RAI14: variants seen among roughly 807,000 people sequenced by gnomAD.
The protein encoded by RAI14 is retinoic acid induced 14.
Under a neutral mutation model 115.4 loss-of-function variants are expected in RAI14, and 45 were observed. The ratio of observed to expected loss-of-function variants is 0.39; its 90% confidence interval spans 0.31 to 0.50. The LOEUF (loss-of-function observed/expected upper bound fraction) is 0.50. RAI14 is among the 20% of genes least tolerant of loss of function. The pLI, the probability that RAI14 is intolerant of heterozygous loss-of-function variation, is 0.85. For missense variants in RAI14, 939 were observed against 1,131.2 expected, an observed-to-expected ratio of 0.83 and a Z score of 2.44; for synonymous variants, 371 against 415.4, an observed-to-expected ratio of 0.89 and a Z score of 1.30.
intron 2 of RAI14, among the ~76,000 whole-genome samples, chr5:34,740,095 C>T (rs79220089): frequency 0.032 from 4,823 of 152,176 alleles, 265 homozygotes; most frequent in African/African-American, 0.11. Flanking sequence ...CTTGAGCTCT[C>T]AACTTATGTG....
At chr5:34,796,164 G>A (rs137964819) in intron 4 of RAI14, 137 bp downstream of exon 4, 3 of 647,876 alleles carry the variant, frequency 4.6e-6, no homozygotes, top group East Asian at 5.4e-5. Flanking sequence ...CGAGGGTGAG[G>A]TGTGTGGATC....
chr5:34,786,909 C>A (rs534919878), intron 3 of RAI14, among the ~76,000 whole-genome samples: 16 of 152,276 alleles, frequency 1.1e-4, no homozygotes, highest in African/African-American at 3.4e-4. Context: ...TGACAGCAAG[C>A]TAGTCATAAG....
At chr5:34,775,067 A>T (rs935837778) in intron 3 of RAI14, among the ~76,000 whole-genome samples, 2 of 152,206 alleles carry the variant, frequency 1.3e-5, no homozygotes, top group Non-Finnish European at 2.9e-5. Context: ...ATCTCCATAT[A>T]TAGAAGAATG....
At chr5:34,667,828 C>T (rs972965951) in intron 1 of RAI14, among the ~76,000 whole-genome samples, 2 of 152,218 alleles carry the variant, frequency 1.3e-5, no homozygotes, top group South Asian at 2.1e-4. Context: ...CTGTGAGAAC[C>T]GTGTAACAAA....
Position 34,788,136 on chromosome 5 carries a change from C to T in RAI14, c.168-7803C>T, listed in dbSNP as rs142577848. On this transcript the variant is annotated intron_variant, in intron 3 of 17. Transcript: ENST00000265109. ...ATTTGGCCATATTGTTCAGGCTGGT[C>T]TTGAACTCCTGGGCTCAAGCAATCT... Among the ~76,000 whole-genome samples, 281 of 151,952 alleles carry T rather than the reference C, an allele frequency of 1.8e-3. 1 individual carries two copies. The highest frequency in any genetic ancestry group is 6.1e-3 in the African/African-American group (254 of 41,452).
Position 34,676,693 on chromosome 5 carries a change from C to T in RAI14, c.-48-10179C>T, listed in dbSNP as rs576664478. ...CCTGGTTGATGGCAGGTTTTATTCT[C>T]AAAGGAGAATGATATATTTGGTTTC... On this transcript the variant is annotated intron_variant, in intron 1 of 17. Coordinates refer to ENST00000265109, the MANE Select transcript of RAI14 (RefSeq NM_015577.3). 3.9e-5 allele frequency among the ~76,000 whole-genome samples: 6 copies of T among 152,222 alleles called. No individual in the cohort carries two copies. The South Asian group carries it at 1.2e-3, about 32-fold the overall frequency.
At chr5:34,777,200 A>G (rs1045330408) in intron 3 of RAI14, among the ~76,000 whole-genome samples, 20 of 152,192 alleles carry the variant, frequency 1.3e-4, no homozygotes, top group Non-Finnish European at 2.6e-4. Context: ...GGAATTCAGT[A>G]TATCAAAAGG....
At chr5:34,736,230 G>A (rs1373499646) in intron 2 of RAI14, among the ~76,000 whole-genome samples, 4 of 152,154 alleles carry the variant, frequency 2.6e-5, no homozygotes, top group Admixed American at 2.0e-4. Flanking sequence ...GCGAAGCCCC[G>A]TCTCTACTAA....
intron 3 of RAI14, among the ~76,000 whole-genome samples, chr5:34,758,766 G>T (rs1748230425): frequency 6.6e-6 from 1 of 152,136 alleles, no homozygotes. Flanking sequence ...ATTCATTTAG[G>T]CATTGTTCGT....
At chr5:34,707,098 A>T (rs533179458) in intron 2 of RAI14, among the ~76,000 whole-genome samples, 26 of 152,312 alleles carry the variant, frequency 1.7e-4, no homozygotes, top group Non-Finnish European at 2.8e-4. Flanking sequence ...ATATTTACTG[A>T]TCTTGGTTCT....
intron 2 of RAI14, among the ~76,000 whole-genome samples, chr5:34,743,373 A>G (rs1469870646): frequency 6.6e-6 from 1 of 152,100 alleles, no homozygotes; most frequent in East Asian, 1.9e-4. Context: ...CCATCTTTAC[A>G]TCGCCTTCTT....
intron 3 of RAI14, among the ~76,000 whole-genome samples, chr5:34,790,135 C>G (rs1752746937): frequency 6.6e-6 from 1 of 152,228 alleles, no homozygotes; most frequent in Non-Finnish European, 1.5e-5. Context: ...CCACCCTGCT[C>G]TTCTGTACAT....
chr5:34,740,081 T>G (rs1057231383), intron 2 of RAI14, among the ~76,000 whole-genome samples: 17 of 152,140 alleles, frequency 1.1e-4, no homozygotes, highest in Admixed American at 3.3e-4. Flanking sequence ...CTACAGTCCC[T>G]GTTCTTGAGC....
At chr5:34,659,146 T>C (rs1358290372) in intron 1 of RAI14, 1 of 152,248 alleles carries the variant, frequency 6.6e-6, no homozygotes, top group Non-Finnish European at 1.5e-5. Context: ...TAACTTACTA[T>C]GTTTTTGAGA....
intron 12 of RAI14, among the ~76,000 whole-genome samples, chr5:34,817,911 A>G (rs563326496): frequency 2.0e-5 from 3 of 152,364 alleles, no homozygotes; most frequent in Non-Finnish European, 1.5e-5. Flanking sequence ...CCATAGGTAT[A>G]CATCTGTCAA....
chr5:34,795,725 A>G (rs1457035190), intron 3 of RAI14, among the ~76,000 whole-genome samples: 1 of 152,128 alleles, frequency 6.6e-6, no homozygotes, highest in Non-Finnish European at 1.5e-5. Context: ...TCCCTTAACT[A>G]AAGCTGTCAA....
intron 3 of RAI14, among the ~76,000 whole-genome samples, chr5:34,774,438 T>TA: frequency 6.6e-6 from 1 of 151,842 alleles, no homozygotes; most frequent in East Asian, 1.9e-4. Flanking sequence ...AAAATCAACA[T>TA]AAAAAATCAG....
chr5:34,757,656 G>A lies in RAI14; in HGVS notation c.167+58G>A, dbSNP rs1290323065. The A allele has an allele frequency of 2.6e-6, 4 of 1,540,618 alleles. No homozygotes were observed. The Admixed American group carries it at 7.5e-5, about 29-fold the overall frequency. ...GTTCTGGGTTTTTGGGGTGTTCTCT[G>A]GAATCCTTAGTATCCATAGGGGAAT... On this transcript the variant is annotated intron_variant, in intron 3 of 17. Transcript: ENST00000265109.
chr5:34,758,299 G>T (rs1049986987), intron 3 of RAI14, among the ~76,000 whole-genome samples: 2 of 152,158 alleles, frequency 1.3e-5, no homozygotes, highest in East Asian at 3.8e-4. Context: ...AATAATGTAG[G>T]TTGGGTGCCC....
Sources: gnomAD v4.1 joint callset for allele counts (sites outside exome capture counted in the v4.1 genomes callset) on GRCh38, gnomAD v4.1.1 for gene constraint, MANE v1.5 for transcripts, NCBI Gene and HGNC (gene_info 2026-07-23, HGNC 2026-07-21) for gene names.